MDGA2: variants seen among roughly 807,000 people sequenced by gnomAD.
The protein encoded by MDGA2 is MAM domain-containing glycosylphosphatidylinositol anchor protein 2.
MDGA2 carries 40 observed loss-of-function variants against 117.8 expected under a neutral mutation model. The ratio of observed to expected loss-of-function variants is 0.34; its 90% CI spans 0.26 to 0.44. MDGA2 has a LOEUF of 0.44. Among genes scored for constraint, MDGA2 ranks in the 20% least tolerant of loss-of-function variants. The pLI, the probability that MDGA2 is intolerant of heterozygous loss-of-function variation, is 1.00. For missense variants in MDGA2, 1,123 were observed against 1,250.6 expected, an observed-to-expected ratio of 0.90 and a Z score of 1.54; for synonymous variants, 452 against 439.0, an observed-to-expected ratio of 1.03 and a Z score of -0.37.
intron 5 of MDGA2, among the ~76,000 whole-genome samples, chr14:47,119,331 C>G (rs1321540217): frequency 6.6e-6 from 1 of 152,088 alleles, no homozygotes; most frequent in Non-Finnish European, 1.5e-5. Context: ...TCCCAAAGTG[C>G]TAGGATTACA....
chr14:47,534,187 T>G (rs1175440878), intron 1 of MDGA2, among the ~76,000 whole-genome samples: 2 of 152,120 alleles, frequency 1.3e-5, no homozygotes, highest in Non-Finnish European at 2.9e-5. Flanking sequence ...GGGAAACATC[T>G]ATTACTCGGG....
At chr14:47,607,523 G>T (rs1291413288) in intron 1 of MDGA2, among the ~76,000 whole-genome samples, 1 of 152,062 alleles carries the variant, frequency 6.6e-6, no homozygotes, top group African/African-American at 2.4e-5. Flanking sequence ...TTTTAAACTG[G>T]GAAATGGTTC....
Position 47,675,524 on chromosome 14 carries a change from G to A in MDGA2, c.-728C>T, listed in dbSNP as rs979610265. Among the ~76,000 whole-genome samples the A allele has an allele frequency of 1.3e-5, 2 of 152,128 alleles. No homozygotes were observed. The highest frequency in any genetic ancestry group is 2.9e-5 in the Non-Finnish European group (2 of 68,010). Reference sequence around the variant, plus strand: ...AAATAGCCTTTAGCGCCCGGCCAGCGTAGAGGTGCTCTGGCCGGCCGCACC... The same window carrying A: ...AAATAGCCTTTAGCGCCCGGCCAGCATAGAGGTGCTCTGGCCGGCCGCACC... On this transcript the variant is annotated 5_prime_UTR_variant, in exon 1 of 17. The change creates a new upstream start codon in the 5' untranslated region. Transcript: ENST00000399232.
chr14:47,193,710 C>A (rs983504091), intron 3 of MDGA2, among the ~76,000 whole-genome samples: 1 of 152,150 alleles, frequency 6.6e-6, no homozygotes, highest in Non-Finnish European at 1.5e-5. Flanking sequence ...GGTGTCCTAG[C>A]CTGGATTCAC....
At chr14:47,516,973 C>T (rs1300604012) in intron 1 of MDGA2, among the ~76,000 whole-genome samples, 2 of 152,132 alleles carry the variant, frequency 1.3e-5, no homozygotes, top group East Asian at 3.9e-4. Context: ...AAAAAAATTG[C>T]CCCATGCACT....
chr14:47,660,139 A>G (rs1897818389), intron 1 of MDGA2, among the ~76,000 whole-genome samples: 1 of 152,214 alleles, frequency 6.6e-6, no homozygotes, highest in South Asian at 2.1e-4. Flanking sequence ...TGAATGTATA[A>G]TGAATTTCAG....
At chr14:47,303,752 G>A (rs1889355391) in intron 1 of MDGA2, among the ~76,000 whole-genome samples, 2 of 13,318 alleles carry the variant, frequency 1.5e-4, no homozygotes, top group South Asian at 8.1e-3. Context: ...ATGTGATAGT[G>A]ATAGCCCACG....
At chr14:47,490,035 T>C (rs887077282) in intron 1 of MDGA2, among the ~76,000 whole-genome samples, 3 of 152,072 alleles carry the variant, frequency 2.0e-5, no homozygotes, top group Non-Finnish European at 2.9e-5. Flanking sequence ...TACTTTGAAT[T>C]TGAACAACAA....
chr14:46,957,322 C>T, intron 9 of MDGA2, 52 bp downstream of exon 9: 1 of 1,550,088 alleles, frequency 6.5e-7, no homozygotes, highest in African/African-American at 1.4e-5. Context: ...GGTCTAAGAT[C>T]TCTTGGTCTA....
At chr14:46,926,148 C>T (rs1884323859) in intron 9 of MDGA2, among the ~76,000 whole-genome samples, 1 of 152,048 alleles carries the variant, frequency 6.6e-6, no homozygotes, top group African/African-American at 2.4e-5. Flanking sequence ...TCCAGTTATT[C>T]TGAAATGACT....
At chr14:47,510,450 C>T (rs1894615457) in intron 1 of MDGA2, among the ~76,000 whole-genome samples, 1 of 152,198 alleles carries the variant, frequency 6.6e-6, no homozygotes, top group Non-Finnish European at 1.5e-5. Flanking sequence ...CCCTTTTAAG[C>T]AATTCTACAA....
At chr14:46,889,793 C>T (rs1040143331) in intron 10 of MDGA2, among the ~76,000 whole-genome samples, 2 of 152,052 alleles carry the variant, frequency 1.3e-5, no homozygotes, top group African/African-American at 4.8e-5. Flanking sequence ...CCCTACTATG[C>T]TACTTGAGGG....
chr14:47,042,408 A>T (rs555963503), intron 7 of MDGA2, among the ~76,000 whole-genome samples: 1 of 150,538 alleles, frequency 6.6e-6, no homozygotes, highest in Admixed American at 6.7e-5. Flanking sequence ...ATTGCTGTAG[A>T]TTTGATGAGT....
chr14:47,016,826 C>G (rs1888100856), intron 8 of MDGA2, among the ~76,000 whole-genome samples: 1 of 151,798 alleles, frequency 6.6e-6, no homozygotes, highest in Non-Finnish European at 1.5e-5. Context: ...GTTAATCCAC[C>G]TCGTATAGAT....
chr14:46,937,169 T>C (rs1045409334), intron 9 of MDGA2, among the ~76,000 whole-genome samples: 1 of 151,004 alleles, frequency 6.6e-6, no homozygotes, highest in Non-Finnish European at 1.5e-5. Context: ...GAAAAAGAAA[T>C]AAAGCAAACA....
intron 1 of MDGA2, among the ~76,000 whole-genome samples, chr14:47,324,012 G>A (rs774395048): frequency 5.3e-5 from 8 of 152,106 alleles, no homozygotes. Flanking sequence ...TTGGGAGGCC[G>A]AGGCGTGAGA....
Position 47,157,595 on chromosome 14 carries a change from A to ATGTGTGTG in MDGA2, c.596-13329_596-13322dup, listed in dbSNP as rs55697311. Among the ~76,000 whole-genome samples, 876 of 144,508 alleles carry ATGTGTGTG rather than the reference A, an allele frequency of 6.1e-3. 10 individuals carry two copies. The highest frequency in any genetic ancestry group is 0.019 in the African/African-American group (717 of 38,562). 94.8% of individuals were successfully genotyped at this position (144,508 alleles called of 152,430 possible). A position where few individuals can be genotyped will look rare whatever the true frequency, so the allele number is the denominator to read the frequency against. On this transcript the variant is annotated intron_variant, in intron 3 of 16. Transcript: ENST00000399232. ...ATAAATTTTTAAACTATGTACATAT[A>ATGTGTGTG]TGTGTGTGTGTGTGTGTGTGTGTGT...
At chr14:47,637,323 T>C (rs1404660925) in intron 1 of MDGA2, among the ~76,000 whole-genome samples, 1 of 152,190 alleles carries the variant, frequency 6.6e-6, no homozygotes, top group African/African-American at 2.4e-5. Context: ...GTTGTTAAGA[T>C]ACCCACAGTT....
At chr14:47,455,014 A>G (rs538858072) in intron 1 of MDGA2, among the ~76,000 whole-genome samples, 1 of 152,226 alleles carries the variant, frequency 6.6e-6, no homozygotes, top group Non-Finnish European at 1.5e-5. Flanking sequence ...TAATCACTTC[A>G]TTCAACTTTG....
Sources: allele counts gnomAD v4.1 joint callset (sites outside exome capture counted in the v4.1 genomes callset), GRCh38; gene constraint gnomAD v4.1.1; transcripts MANE v1.5; gene names NCBI Gene and HGNC (gene_info 2026-07-23, HGNC 2026-07-21).